Variants in CYP46A1 observed in about 807,000 individuals in gnomAD.
CYP46A1 encodes cholesterol 24-hydroxylase.
CYP46A1 carries 20 observed loss-of-function variants against 63.3 expected under a neutral mutation model. That is an observed-to-expected ratio of 0.32 (90% CI 0.22 to 0.46). The LOEUF (loss-of-function observed/expected upper bound fraction) is 0.46, where lower values mean the gene tolerates loss of function less well. Ranked by LOEUF, CYP46A1 falls within the 20% of genes least tolerant of loss-of-function variation. The probability of loss-of-function intolerance (pLI) is 1.00; values close to 1 mark genes in which losing one functional copy is unlikely to be tolerated. For synonymous variants in CYP46A1, 268 were observed against 273.6 expected (o/e 0.98, Z 0.20); for missense variants, 445 against 670.8 (o/e 0.66, Z 3.72).
At chr14:99,710,869 C>G (rs762676529) in intron 7 of CYP46A1, 1 of 152,176 alleles carries the variant, frequency 6.6e-6, no homozygotes, top group Non-Finnish European at 1.5e-5. Flanking sequence ...AACATACATT[C>G]TTCTCATCAG....
intron 5 of CYP46A1, 125 bp downstream of exon 5, chr14:99,700,226 A>G: frequency 3.6e-6 from 2 of 557,674 alleles, no homozygotes; most frequent in Non-Finnish European, 6.0e-6. Context: ...GAAGGGAGAG[A>G]GGAAAAAGGG....
At chr14:99,692,749 G>A (rs1322468508) in intron 3 of CYP46A1, among the ~76,000 whole-genome samples, 2 of 151,746 alleles carry the variant, frequency 1.3e-5, no homozygotes, top group African/African-American at 2.4e-5. Context: ...AGAATCGCTT[G>A]AACCCGGGAG....
chr14:99,694,920 G>A (rs1303618927), intron 3 of CYP46A1, among the ~76,000 whole-genome samples: 2 of 152,138 alleles, frequency 1.3e-5, no homozygotes, highest in African/African-American at 4.8e-5. Context: ...TCTAATGTAA[G>A]CATTTAGAGC....
At chr14:99,703,918 T>C (rs751461622) in intron 5 of CYP46A1, 225 of 978,152 alleles carry the variant, frequency 2.3e-4, no homozygotes, top group Non-Finnish European at 2.7e-4. Flanking sequence ...AAGAGACATT[T>C]ATTTAAGAAA....
At chr14:99,699,185 T>G (rs569766468) in intron 3 of CYP46A1, among the ~76,000 whole-genome samples, 11 of 152,280 alleles carry the variant, frequency 7.2e-5, no homozygotes, top group Admixed American at 5.9e-4. Context: ...TGACATGGTA[T>G]GGGGTTCCGA....
chr14:99,707,711 C>T (rs368008622), intron 7 of CYP46A1, 33 bp downstream of exon 7: 3 of 1,592,046 alleles, frequency 1.9e-6, no homozygotes, highest in South Asian at 2.2e-5. Flanking sequence ...GGTGACCAGC[C>T]ACCAGAGCTG....
intron 4 of CYP46A1, 42 bp from the exon 5 acceptor site, chr14:99,699,973 C>T: frequency 2.2e-6 from 1 of 454,996 alleles, no homozygotes; most frequent in Non-Finnish European, 3.9e-6. Flanking sequence ...TCGCTCCCCA[C>T]CCCCCACCCT....
At chr14:99,688,540 GC>G (rs1595182598) in intron 1 of CYP46A1, among the ~76,000 whole-genome samples, 2 of 152,050 alleles carry the variant, frequency 1.3e-5, no homozygotes, top group African/African-American at 4.8e-5. Context: ...AGGCCAACCT[GC>G]CCCCTCTGCT....
In CYP46A1 at chr14:99,727,109, C is replaced by T. The variant is rs761185977; in HGVS notation, c.*382C>T. The T allele has an allele frequency of 2.5e-4, 55 of 217,694 alleles. No homozygotes were observed. The highest frequency in any genetic ancestry group is 4.5e-4 in the Non-Finnish European group (49 of 110,088). The allele number at this position is 217,694 out of a possible 1,614,324, so 13.5% of individuals were successfully genotyped here. ...CGGCAGGGGCCCCTCCTCTGTGCTC[C>T]CTCGGTCACCTGTGCTACCTCTAAC... On this transcript the variant is annotated 3_prime_UTR_variant, in exon 15 of 15. Transcript: ENST00000261835.
chr14:99,721,914 T>C lies in CYP46A1; in HGVS notation c.1066-42T>C, dbSNP rs571634397. Reference sequence around the variant, plus strand: ...CCGCCGGCCGGCATGATCTGTGGCCTCTCCCGACTCTCCTTGTTATCTCCC... The same window carrying C: ...CCGCCGGCCGGCATGATCTGTGGCCCCTCCCGACTCTCCTTGTTATCTCCC... On this transcript the variant is annotated intron_variant, in intron 11 of 14. Transcript: ENST00000261835. 1,199 of 1,534,826 alleles carry C rather than the reference T, an allele frequency of 7.8e-4. 20 individuals carry two copies. In the South Asian group the frequency reaches 0.011, roughly 14 times the overall value.
chr14:99,685,683 C>T (rs2056487902), intron 1 of CYP46A1, among the ~76,000 whole-genome samples: 1 of 151,960 alleles, frequency 6.6e-6, no homozygotes, highest in African/African-American at 2.4e-5. Context: ...CTGGAAGGCA[C>T]CCATCTCCAG....
chr14:99,716,968 T>C (rs979572573), intron 9 of CYP46A1, among the ~76,000 whole-genome samples: 1 of 152,206 alleles, frequency 6.6e-6, no homozygotes, highest in Non-Finnish European at 1.5e-5. Flanking sequence ...CGAAGAGGTC[T>C]GCAGGTGAAA....
intron 14 of CYP46A1, 126 bp from the exon 15 acceptor site, chr14:99,726,431 C>A: frequency 8.4e-7 from 1 of 1,194,922 alleles, no homozygotes; most frequent in Non-Finnish European, 1.1e-6. Context: ...GAGCGCAAAA[C>A]AGGAGGCTCC....
rs767035751 is a variant in CYP46A1, at chr14:99,699,415, G to A, written c.283-51G>A. ...GGGGCATGTCTCAGAAGAGCATCTT[G>A]CAGCTACTCATGGGTGCATGAGCCT... On this transcript the variant is annotated intron_variant, in intron 3 of 14. Coordinates refer to ENST00000261835, the MANE Select transcript of CYP46A1 (RefSeq NM_006668.2). 7.8e-6 allele frequency: 12 copies of A among 1,534,960 alleles called. No homozygotes were observed. The East Asian group carries it at 2.7e-4, about 35-fold the overall frequency.
chr14:99,696,698 C>T (rs2056589898), intron 3 of CYP46A1, among the ~76,000 whole-genome samples: 1 of 152,046 alleles, frequency 6.6e-6, no homozygotes, highest in Non-Finnish European at 1.5e-5. Flanking sequence ...TTTTATAGTT[C>T]TTGTCTGCTA....
intron 3 of CYP46A1, among the ~76,000 whole-genome samples, chr14:99,697,513 C>T (rs2056596630): frequency 1.3e-5 from 2 of 152,318 alleles, no homozygotes; most frequent in East Asian, 1.9e-4. Flanking sequence ...GTAGAAAGCT[C>T]GGTAATCCTA....
At chr14:99,711,502 C>G (rs914706993) in intron 7 of CYP46A1, 2 of 151,970 alleles carry the variant, frequency 1.3e-5, no homozygotes, top group African/African-American at 4.8e-5. Context: ...TTATGAACCA[C>G]TATACACTAA....
Position 99,707,691 on chromosome 14 carries a change from C to T in CYP46A1, c.693+13C>T, listed in dbSNP as rs779705043. Reference sequence around the variant, plus strand: ...CACTCTGGCAAAGGTACTGCCTCAGCACCCCCTCTGGTGACCAGCCACCAG... The same window carrying T: ...CACTCTGGCAAAGGTACTGCCTCAGTACCCCCTCTGGTGACCAGCCACCAG... On this transcript the variant is annotated intron_variant, in intron 7 of 14. Coordinates refer to ENST00000261835, the MANE Select transcript of CYP46A1 (RefSeq NM_006668.2). 12 of 1,609,794 alleles carry T rather than the reference C, an allele frequency of 7.5e-6. No individual in the cohort carries two copies. Among genetic ancestry groups the T allele is most frequent in the South Asian group, 1.1e-5 (1 of 90,998 alleles).
rs2056784932 is a variant in CYP46A1, at chr14:99,715,915, AG to A, written c.803del (p.Gly268AlafsTer13). On this transcript the variant is annotated frameshift_variant, in exon 8 of 15. Transcript: ENST00000261835. LOFTEE classifies it high-confidence loss of function. ...CCAGCGCCGCCGGGAAGCCCTGAAG[AG>A]GGGCGAGGAGGTTCCTGCCGACATC... is the stretch of plus-strand genomic sequence containing the variant. ...WVQRRREALK[R>X]GEEVPADILT... The A allele has an allele frequency of 6.8e-7, 1 of 1,464,436 alleles. No homozygotes were observed. The allele number at this position is 1,464,436 out of a possible 1,614,324, so 90.7% of individuals were successfully genotyped here. A position where few individuals can be genotyped will look rare whatever the true frequency, so the allele number is the denominator to read the frequency against.
Sources: gnomAD v4.1 joint callset for allele counts (sites outside exome capture counted in the v4.1 genomes callset) on GRCh38, gnomAD v4.1.1 for gene constraint, MANE v1.5 for transcripts, NCBI Gene and HGNC (gene_info 2026-07-23, HGNC 2026-07-21) for gene names.